The following FCHO1 variants were observed in gnomAD, a reference collection of about 807,000 sequenced individuals.
FCHO1 encodes the protein F-BAR domain only protein 1.
In FCHO1, 45 loss-of-function variants were observed where a neutral mutation model predicts 114.4. The observed-to-expected ratio is 0.39, with a 90% CI of 0.31 to 0.50. FCHO1 has a LOEUF of 0.50. Ranked by LOEUF, FCHO1 falls within the 20% of genes least tolerant of loss-of-function variation. The probability of loss-of-function intolerance (pLI) is 0.77; values close to 1 mark genes in which losing one functional copy is unlikely to be tolerated. For missense variants in FCHO1, 1,042 were observed against 1,209.6 expected (o/e 0.86, Z 2.06); for synonymous variants, 480 against 488.9 (o/e 0.98, Z 0.24).
intron 4 of FCHO1, among the ~76,000 whole-genome samples, chr19:17,762,465 C>T (rs970302214): frequency 6.6e-6 from 1 of 151,882 alleles, no homozygotes; most frequent in Non-Finnish European, 1.5e-5. Context: ...CTCAGAAAAA[C>T]GGAGAGAAAG....
At position 17,778,216 on chromosome 19, in the gene FCHO1, G is replaced by A. The variant is rs2092897363; in HGVS notation, c.1339G>A (p.Glu447Lys). 2 of 1,613,572 alleles carry A rather than the reference G, an allele frequency of 1.2e-6. No homozygotes were observed. Among genetic ancestry groups the A allele is most frequent in the African/African-American group, 1.3e-5 (1 of 74,932 alleles). Reference sequence around the variant, plus strand: ...GCCCCTGGAGTCAGCCTTTGACCACGAAGATTTTACAGGTGATGGGGATAA... The same window carrying A: ...GCCCCTGGAGTCAGCCTTTGACCACAAAGATTTTACAGGTGATGGGGATAA... Reference protein sequence around the residue: ...GPPLESAFDHEDFTGSSSLGF... With the variant: ...GPPLESAFDHKDFTGSSSLGF... Residue 447 changes from glutamate (E) to lysine (K), a missense_variant, in exon 19 of 29, where the codon GAA becomes AAA. Glu to Lys is a moderately conservative substitution (Grantham distance 56, BLOSUM62 1). Transcript: ENST00000596536.
chr19:17,766,859 G>T (rs765922249), intron 7 of FCHO1, 49 bp downstream of exon 7: 1 of 1,586,846 alleles, frequency 6.3e-7, no homozygotes, highest in Non-Finnish European at 8.6e-7. Context: ...TGGAACACCG[G>T]CAGCTCACAG....
At chr19:17,765,882 CTTTTT>C (rs397859350) in intron 6 of FCHO1, among the ~76,000 whole-genome samples, 17 of 60,156 alleles carry the variant, frequency 2.8e-4, no homozygotes, top group Middle Eastern at 0.014. Flanking sequence ...CTTAGTCACT[CTTTTT>C]TTTTTTTTTT....
chr19:17,784,301 C>T lies in FCHO1; in HGVS notation c.2226+66C>T, dbSNP rs747300262. On this transcript the variant is annotated intron_variant, in intron 25 of 28. Transcript: ENST00000596536. This position sits in a 1 kb window ranked among gnomAD's most constrained non-coding sequence, Gnocchi z 5.3. ...GGGGACACGGTGAGCCGGCAGCAGA[C>T]ATGGAGGCGCCTGCGTGTTGGCCAG... The T allele has an allele frequency of 7.8e-6, 12 of 1,530,594 alleles. No homozygotes were observed. The highest frequency in any genetic ancestry group is 1.1e-5 in the Non-Finnish European group (12 of 1,134,666). The allele number at this position is 1,530,594 out of a possible 1,614,324, so 94.8% of individuals were successfully genotyped here. A position where few individuals can be genotyped will look rare whatever the true frequency, so the allele number is the denominator to read the frequency against.
rs1204213193 is a variant in FCHO1 at position 17,762,498 on chromosome 19, A to C, written c.28-264A>C. On this transcript the variant is annotated intron_variant, in intron 4 of 28. Transcript: ENST00000596536. The stretch of plus-strand genomic sequence containing the variant: ...AAGACAGAGACACAAAGACAGAAGG[A>C]GACAAAGACACAGAACAAATGAGAT... 2.6e-5 allele frequency among the ~76,000 whole-genome samples: 4 copies of C among 152,258 alleles called. No homozygotes were observed. In the East Asian group the frequency reaches 7.7e-4, roughly 29 times the overall value.
At position 17,776,305 on chromosome 19, in the gene FCHO1, T is replaced by C. The variant is rs765502420; in HGVS notation, c.1207+34T>C. ...CCTTTGGTCTTCAGAGTGGGGAGGA[T>C]CCTAAGGAAGGGAGGCTATGGGTTT... On this transcript the variant is annotated intron_variant, in intron 17 of 28. Transcript: ENST00000596536. The surrounding 1 kb of genome is among the most constrained non-coding windows in gnomAD (Gnocchi z 4.4). 59 of 1,613,766 alleles carry C rather than the reference T, an allele frequency of 3.7e-5. 1 individual carries two copies. The highest frequency in any genetic ancestry group is 1.7e-5 in the Admixed American group (1 of 59,966).
intron 1 of FCHO1, among the ~76,000 whole-genome samples, chr19:17,753,337 G>A (rs920254698): frequency 1.3e-5 from 2 of 152,214 alleles, no homozygotes; most frequent in African/African-American, 4.8e-5. Context: ...AACCAGTGCA[G>A]GGTTGGGAAT....
chr19:17,767,048 C>G (rs559382858), intron 7 of FCHO1, among the ~76,000 whole-genome samples: 4 of 151,604 alleles, frequency 2.6e-5, no homozygotes, highest in South Asian at 4.2e-4. Flanking sequence ...GCCCACCCCC[C>G]ACCAATGTTT....
In FCHO1 at chr19:17,781,510, G is replaced by A. The variant is rs148167960; in HGVS notation, c.1799G>A (p.Arg600Gln). The change falls in exon 22 of 29, where the codon CGG becomes CAG. Residue 600 changes from arginine (R) to glutamine (Q), a missense_variant. This residue lies in a region of FCHO1 where 455 missense variants were observed against 455.4 expected (regional missense o/e 1.00). Coordinates refer to ENST00000596536, the MANE Select transcript of FCHO1 (RefSeq NM_015122.3). ...TCAGCCGCCAGCACTGCCTTGGAAC[G>A]GCCCAGCTTCTTATCCCAGACAGGA... ...GSSAASTALE[R>Q]PSFLSQTGHG... The A allele has an allele frequency of 3.1e-5, 50 of 1,613,872 alleles. No homozygotes were observed. The African/African-American group carries it at 4.7e-4, about 15-fold the overall frequency.
chr19:17,781,809 C>T lies in FCHO1; in HGVS notation c.1926C>T (p.Gly642=). ...AGTATGTCCACGCCTACTTCCGTGG[C>T]CACAGCCCCAGGTACCCAGTGATGG... ...FTEYVHAYFR[G]HSPSCLARVT... The change falls in exon 23 of 29, where the codon GGC becomes GGT. Residue 642 remains glycine (G), a synonymous_variant. Transcript: ENST00000596536. The T allele has an allele frequency of 6.3e-7, 1 of 1,596,960 alleles. No homozygotes were observed. The highest frequency in any genetic ancestry group is 8.5e-7 in the Non-Finnish European group (1 of 1,171,558).
At chr19:17,772,266 A>T (rs190326105) in intron 9 of FCHO1, among the ~76,000 whole-genome samples, 191 bp from the exon 10 acceptor site, 88 of 152,296 alleles carry the variant, frequency 5.8e-4, no homozygotes, top group Middle Eastern at 6.8e-3. Context: ...CCATCAGCAC[A>T]TTGGCTCAGG....
chr19:17,776,332 G>A lies in FCHO1; in HGVS notation c.1207+61G>A. On this transcript the variant is annotated intron_variant, in intron 17 of 28. Coordinates refer to ENST00000596536, the MANE Select transcript of FCHO1 (RefSeq NM_015122.3). This position sits in a 1 kb window ranked among gnomAD's most constrained non-coding sequence, Gnocchi z 4.4. ...CTAAGGAAGGGAGGCTATGGGTTTG[G>A]GCTTGAATCATAACTCCGTTTTGTA... 6.2e-7 allele frequency: 1 copy of A among 1,604,750 alleles called. No homozygotes were observed. Among genetic ancestry groups the A allele is most frequent in the Non-Finnish European group, 8.5e-7 (1 of 1,171,578 alleles).
upstream of FCHO1, among the ~76,000 whole-genome samples, chr19:17,749,659 C>T (rs1275776503): frequency 1.3e-5 from 2 of 152,048 alleles, no homozygotes; most frequent in African/African-American, 4.8e-5. Context: ...ACTGTGTGAC[C>T]TGGGGCACGT....
chr19:17,767,784 T>C (rs2089945243), intron 7 of FCHO1, among the ~76,000 whole-genome samples: 1 of 152,216 alleles, frequency 6.6e-6, no homozygotes, highest in Admixed American at 6.5e-5. Context: ...AGCGACAGAT[T>C]CAAGTGTTTG....
chr19:17,770,613 C>T (rs758083719), intron 8 of FCHO1, 36 bp downstream of exon 8: 9 of 1,596,770 alleles, frequency 5.6e-6, no homozygotes, highest in South Asian at 2.2e-5. Context: ...AGGAATTTGC[C>T]GCGGGGCGGA....
chr19:17,762,941 GGCTA>G, intron 5 of FCHO1, 88 bp downstream of exon 5: 2 of 898,226 alleles, frequency 2.2e-6, no homozygotes, highest in Non-Finnish European at 3.6e-6. Flanking sequence ...CATGGTCAGG[GGCTA>G]GAACCCTGGG....
intron 5 of FCHO1, among the ~76,000 whole-genome samples, chr19:17,764,060 G>A (rs1205304136): frequency 2.8e-5 from 4 of 142,516 alleles, no homozygotes; most frequent in Admixed American, 1.4e-4. Context: ...TTTTTTTTGC[G>A]ATGGAGTCTT....
chr19:17,750,276 C>T (rs2081570231), upstream of FCHO1, among the ~76,000 whole-genome samples: 1 of 152,088 alleles, frequency 6.6e-6, no homozygotes. Context: ...GGGCTGACTT[C>T]TCCATCAGAC....
chr19:17,785,469 C>T (rs1031522037), intron 26 of FCHO1, among the ~76,000 whole-genome samples: 3 of 152,046 alleles, frequency 2.0e-5, no homozygotes, highest in Non-Finnish European at 4.4e-5. Context: ...GTGATCCACC[C>T]GCCTCGGCCT....
Sources: allele counts gnomAD v4.1 joint callset (sites outside exome capture counted in the v4.1 genomes callset), GRCh38; gene constraint gnomAD v4.1.1; regional missense constraint gnomAD v4.1.1; non-coding constraint Gnocchi (gnomAD v3.1); transcripts MANE v1.5; gene names NCBI Gene and HGNC (gene_info 2026-07-23, HGNC 2026-07-21).